The following KCNIP4 variants were observed in gnomAD, a reference collection of about 807,000 sequenced individuals.
KCNIP4 encodes Kv channel-interacting protein 4.
Under a neutral mutation model 34.0 loss-of-function variants are expected in KCNIP4, and 12 were observed. The ratio of observed to expected loss-of-function variants is 0.35; its 90% CI spans 0.23 to 0.57. The LOEUF (loss-of-function observed/expected upper bound fraction) is 0.57, where lower values mean the gene tolerates loss of function less well. Among genes scored for constraint, KCNIP4 ranks in the 20% least tolerant of loss-of-function variants. The pLI, the probability that KCNIP4 is intolerant of heterozygous loss-of-function variation, is 0.83. For missense variants in KCNIP4, 238 were observed against 311.7 expected, an observed-to-expected ratio of 0.76 and a Z score of 1.78; for synonymous variants, 124 against 102.2, an observed-to-expected ratio of 1.21 and a Z score of -1.29.
intron 1 of KCNIP4, among the ~76,000 whole-genome samples, chr4:21,790,138 G>C (rs1560716157): frequency 6.6e-6 from 1 of 152,156 alleles, no homozygotes; most frequent in Non-Finnish European, 1.5e-5. Context: ...CATACTGCTT[G>C]CGTGAGTATT....
At chr4:21,249,854 G>T (rs1425712966) in intron 1 of KCNIP4, among the ~76,000 whole-genome samples, 1 of 152,008 alleles carries the variant, frequency 6.6e-6, no homozygotes, top group African/African-American at 2.4e-5. Flanking sequence ...ATTTATCTAT[G>T]AAAAAATTTT....
intron 1 of KCNIP4, among the ~76,000 whole-genome samples, chr4:21,336,038 A>G (rs749998949): frequency 6.6e-6 from 1 of 152,144 alleles, no homozygotes; most frequent in Non-Finnish European, 1.5e-5. Flanking sequence ...TATGTAATAT[A>G]TGATATTGCT....
At chr4:21,284,320 A>G (rs1762969287) in intron 1 of KCNIP4, among the ~76,000 whole-genome samples, 2 of 152,262 alleles carry the variant, frequency 1.3e-5, no homozygotes, top group African/African-American at 4.8e-5. Context: ...AATGATAATA[A>G]TAGCAGCAAC....
chr4:21,691,691 CTTTTTT>C (rs36004947), intron 1 of KCNIP4, among the ~76,000 whole-genome samples: 3 of 103,142 alleles, frequency 2.9e-5, no homozygotes, highest in East Asian at 2.9e-4. Context: ...AAACGCAGCT[CTTTTTT>C]TTTTTTTTTT....
intron 3 of KCNIP4, among the ~76,000 whole-genome samples, chr4:20,808,706 C>A (rs987840855): frequency 1.3e-5 from 2 of 152,028 alleles, no homozygotes; most frequent in African/African-American, 4.8e-5. Context: ...CAGTTCCATA[C>A]GCTGGATGGA....
chr4:21,436,895 T>C (rs1448725246), intron 1 of KCNIP4, among the ~76,000 whole-genome samples: 1 of 152,208 alleles, frequency 6.6e-6, no homozygotes, highest in Non-Finnish European at 1.5e-5. Flanking sequence ...ACACAGTGCC[T>C]GGCAGATAGC....
At chr4:21,788,462 CTCA>C (rs1213808746) in intron 1 of KCNIP4, among the ~76,000 whole-genome samples, 31 of 152,120 alleles carry the variant, frequency 2.0e-4, no homozygotes, top group African/African-American at 7.5e-4. Flanking sequence ...GCAAAGAAAT[CTCA>C]CCCCCAGCCT....
chr4:21,476,567 T>C lies in KCNIP4; in HGVS notation c.61+472004A>G, dbSNP rs1730996603. 2.0e-5 allele frequency among the ~76,000 whole-genome samples: 3 copies of C among 152,164 alleles called. No homozygotes were observed. The South Asian group carries it at 6.2e-4, about 32-fold the overall frequency. On this transcript the variant is annotated intron_variant, in intron 1 of 8. Coordinates refer to ENST00000382152, the MANE Select transcript of KCNIP4 (RefSeq NM_025221.6). The stretch of plus-strand genomic sequence containing the variant: ...GCACCTTGATCTTGGACTTACACCG[T>C]CCAGAACTGTGAGAATATAAATTTC...
chr4:21,367,979 G>A (rs62294132), intron 1 of KCNIP4, among the ~76,000 whole-genome samples: 87,706 of 146,254 alleles, frequency 0.6, 28,517 homozygotes, highest in Non-Finnish European at 0.63. Context: ...GAAATAAAGC[G>A]TACCCATGTT....
At chr4:20,894,517 C>A (rs368704062) in intron 1 of KCNIP4, among the ~76,000 whole-genome samples, 1 of 152,138 alleles carries the variant, frequency 6.6e-6, no homozygotes, top group Non-Finnish European at 1.5e-5. Flanking sequence ...GAAAAACAGT[C>A]ACTTGTTTCC....
At chr4:21,633,487 G>A (rs1316990062) in intron 1 of KCNIP4, among the ~76,000 whole-genome samples, 2 of 151,768 alleles carry the variant, frequency 1.3e-5, no homozygotes, top group African/African-American at 4.8e-5. Flanking sequence ...ATCTTCTAAG[G>A]CAAATGTGAA....
chr4:21,625,772 A>T (rs989401324), intron 1 of KCNIP4, among the ~76,000 whole-genome samples: 11 of 152,320 alleles, frequency 7.2e-5, no homozygotes, highest in African/African-American at 2.2e-4. Context: ...AAATAATGGG[A>T]ATAGTCAATA....
At chr4:20,922,518 T>C (rs569622859) in intron 1 of KCNIP4, among the ~76,000 whole-genome samples, 2 of 78,594 alleles carry the variant, frequency 2.5e-5, no homozygotes, top group African/African-American at 9.2e-5. Flanking sequence ...ATAGTGTGAC[T>C]GTCTGTCTGT....
intron 1 of KCNIP4, among the ~76,000 whole-genome samples, chr4:21,081,855 AC>A (rs1476037244): frequency 6.6e-6 from 1 of 151,792 alleles, no homozygotes; most frequent in Non-Finnish European, 1.5e-5. Flanking sequence ...CATGTGGCTC[AC>A]ACATTAAGAT....
chr4:20,880,012 G>A (rs540583710), intron 2 of KCNIP4, among the ~76,000 whole-genome samples: 4 of 152,074 alleles, frequency 2.6e-5, no homozygotes, highest in Non-Finnish European at 5.9e-5. Flanking sequence ...ATATACTAGA[G>A]TTATGCAATG....
intron 1 of KCNIP4, among the ~76,000 whole-genome samples, chr4:21,031,010 C>T (rs946823019): frequency 6.6e-6 from 1 of 152,176 alleles, no homozygotes; most frequent in South Asian, 2.1e-4. Flanking sequence ...AAGGAGAGAG[C>T]ATGGCATAGA....
intron 3 of KCNIP4, among the ~76,000 whole-genome samples, chr4:20,802,118 A>ATATGCTATATATGCTATATG (rs2149418848): frequency 6.9e-6 from 1 of 145,100 alleles, no homozygotes; most frequent in African/African-American, 2.5e-5. Context: ...TATGCTATAT[A>ATATGCTATATATGCTATATG]TATGCTATAT....
At chr4:21,916,099 C>T (rs568845403) in intron 1 of KCNIP4, among the ~76,000 whole-genome samples, 8 of 152,328 alleles carry the variant, frequency 5.3e-5, no homozygotes, top group Non-Finnish European at 2.9e-5. Flanking sequence ...AATACCTTCT[C>T]ATCCTCACTG....
intron 1 of KCNIP4, among the ~76,000 whole-genome samples, chr4:21,230,933 C>T (rs1168997861): frequency 2.0e-5 from 3 of 152,104 alleles, no homozygotes; most frequent in African/African-American, 7.2e-5. Flanking sequence ...TTTGAGGAAT[C>T]GCCACATTGT....
Sources: gnomAD v4.1 joint callset for allele counts (sites outside exome capture counted in the v4.1 genomes callset) on GRCh38, gnomAD v4.1.1 for gene constraint, MANE v1.5 for transcripts, NCBI Gene and HGNC (gene_info 2026-07-23, HGNC 2026-07-21) for gene names.